Variants in PLCXD3 observed in about 807,000 individuals in gnomAD.
PLCXD3 encodes the protein phosphatidylinositol specific phospholipase C X domain containing 3.
PLCXD3 carries 19 observed loss-of-function variants against 25.5 expected under a neutral mutation model. The ratio of observed to expected loss-of-function variants is 0.75; its 90% CI spans 0.52 to 1.09. The LOEUF (loss-of-function observed/expected upper bound fraction) is 1.09, where lower values mean the gene tolerates loss of function less well. Among genes scored for constraint, PLCXD3 ranks in the 50% least tolerant of loss-of-function variants. The pLI is 0.00. For missense variants in PLCXD3, 411 were observed against 388.1 expected (o/e 1.06, Z -0.50); for synonymous variants, 174 against 137.6 (o/e 1.26, Z -1.85).
chr5:41,477,610 GC>G (rs1020686840), intron 1 of PLCXD3, among the ~76,000 whole-genome samples: 1 of 151,642 alleles, frequency 6.6e-6, no homozygotes, highest in Non-Finnish European at 1.5e-5. Context: ...CTAATCTCCA[GC>G]CCCCTTACAC....
rs1743132463 is a variant in PLCXD3 at position 41,311,343 on chromosome 5, T to G, written c.*2274A>C. ...GAAAATGGAAAGAAGAGAAGAAATA[T>G]ATTTTAAAAATAATTAAGTCCTACA... is the stretch of plus-strand genomic sequence containing the variant. On this transcript the variant is annotated 3_prime_UTR_variant, in exon 3 of 3. Coordinates refer to ENST00000377801, the MANE Select transcript of PLCXD3 (RefSeq NM_001005473.3). The G allele has an allele frequency of 6.6e-6, 1 of 152,152 alleles. No homozygotes were observed. The highest frequency in any genetic ancestry group is 1.5e-5 in the Non-Finnish European group (1 of 67,996). The allele number at this position is 152,152 out of a possible 1,614,324, so 9.4% of individuals were successfully genotyped here.
chr5:41,361,906 A>G (rs1275358233), intron 2 of PLCXD3, among the ~76,000 whole-genome samples: 1 of 152,238 alleles, frequency 6.6e-6, no homozygotes, highest in Non-Finnish European at 1.5e-5. Flanking sequence ...GATGAGAGTT[A>G]AAAACAAAAC....
intron 2 of PLCXD3, among the ~76,000 whole-genome samples, chr5:41,335,997 A>G (rs1225314453): frequency 1.3e-5 from 2 of 152,106 alleles, no homozygotes; most frequent in Non-Finnish European, 2.9e-5. Context: ...ACTACTCCCC[A>G]AGGACTCATA....
rs745662352 is a variant in PLCXD3, at chr5:41,372,277, TTCTCTCTC to T, written c.812+9541_812+9548del. Among the ~76,000 whole-genome samples the T allele has an allele frequency of 4.6e-5, 6 of 129,366 alleles. No individual in the cohort carries two copies. The Admixed American group carries it at 4.7e-4, about 10-fold the overall frequency. 84.9% of individuals were successfully genotyped at this position (129,366 alleles called of 152,430 possible). A position where few individuals can be genotyped will look rare whatever the true frequency, so the allele number is the denominator to read the frequency against. On this transcript the variant is annotated intron_variant, in intron 2 of 2. Transcript: ENST00000377801. Reference sequence around the variant, plus strand: ...TTTTTCAGAAAAGTATATGTATTCATTCTCTCTCTCTCTCTCTCTCTCACACACACACA... The same window carrying T: ...TTTTTCAGAAAAGTATATGTATTCATTCTCTCTCTCTCTCACACACACACA...
chr5:41,390,914 A>C (rs1265663653), intron 1 of PLCXD3, among the ~76,000 whole-genome samples: 5 of 152,206 alleles, frequency 3.3e-5, no homozygotes, highest in African/African-American at 1.2e-4. Context: ...GGGGAGGAAG[A>C]ACACAGCAAT....
chr5:41,313,514 T>C lies in PLCXD3; in HGVS notation c.*103A>G. Reference sequence around the variant, plus strand: ...CCCACCCACTACCAGCCCTATTCCCTTCAGAGACTCAGTGGAATAGGAAGA... The same window carrying C: ...CCCACCCACTACCAGCCCTATTCCCCTCAGAGACTCAGTGGAATAGGAAGA... On this transcript the variant is annotated 3_prime_UTR_variant, in exon 3 of 3. Coordinates refer to ENST00000377801, the MANE Select transcript of PLCXD3 (RefSeq NM_001005473.3). 7.0e-7 allele frequency: 1 copy of C among 1,420,158 alleles called. No individual in the cohort carries two copies. The highest frequency in any genetic ancestry group is 2.3e-5 in the East Asian group (1 of 43,574). 88.0% of individuals were successfully genotyped at this position (1,420,158 alleles called of 1,614,324 possible).
rs115133742 is a variant in PLCXD3 at position 41,321,245 on chromosome 5, T to C, written c.813-7475A>G. Among the ~76,000 whole-genome samples, 691 of 152,326 alleles carry C rather than the reference T, an allele frequency of 4.5e-3. 2 individuals carry two copies. Among genetic ancestry groups the C allele is most frequent in the African/African-American group, 0.016 (652 of 41,574 alleles). On this transcript the variant is annotated intron_variant, in intron 2 of 2. Transcript: ENST00000377801. ...AAGTGATAAGCAAATTCAATAAATTTGCAGTATACAAAGTCAACATACAAA... is the reference window on the plus strand; with the variant it reads ...AAGTGATAAGCAAATTCAATAAATTCGCAGTATACAAAGTCAACATACAAA...
chr5:41,476,531 T>C (rs1748287910), intron 1 of PLCXD3, among the ~76,000 whole-genome samples: 2 of 152,262 alleles, frequency 1.3e-5, no homozygotes, highest in South Asian at 2.1e-4. Flanking sequence ...CAACATCTTA[T>C]ACATGTTGTC....
chr5:41,398,837 C>T (rs950584042), intron 1 of PLCXD3, among the ~76,000 whole-genome samples: 3 of 152,098 alleles, frequency 2.0e-5, no homozygotes, highest in African/African-American at 7.2e-5. Flanking sequence ...ATTCAACATA[C>T]TACTGGAAGC....
chr5:41,372,347 C>T (rs1677460), intron 2 of PLCXD3, among the ~76,000 whole-genome samples: 88,578 of 132,184 alleles, frequency 0.67, 31,045 homozygotes, highest in Non-Finnish European at 0.74. Context: ...CACACACACA[C>T]ACCAGGCACT....
rs751201584 is a variant in PLCXD3 at position 41,382,417 on chromosome 5, C to T, written c.221G>A (p.Arg74Gln). 38 of 1,613,326 alleles carry T rather than the reference C, an allele frequency of 2.4e-5. 1 individual carries two copies. Among genetic ancestry groups the T allele is most frequent in the Middle Eastern group, 3.3e-4 (2 of 6,074 alleles). ...VFGTVAKKLM[R>Q]KWLATQTMNF... The stretch of plus-strand genomic sequence containing the variant: ...CATTGTCTGAGTGGCTAACCATTTC[C>T]GCATGAGCTTTTTGGCCACAGTTCC... Residue 74 changes from arginine (R) to glutamine (Q), a missense_variant, in exon 2 of 3, where the codon CGG becomes CAG. Transcript: ENST00000377801.
chr5:41,456,142 C>G (rs1327489199), intron 1 of PLCXD3, among the ~76,000 whole-genome samples: 1 of 151,840 alleles, frequency 6.6e-6, no homozygotes, highest in African/African-American at 2.4e-5. Flanking sequence ...ATGAGATAGT[C>G]AGAGTAAGCA....
intron 2 of PLCXD3, among the ~76,000 whole-genome samples, chr5:41,351,676 C>T (rs1462416273): frequency 6.6e-6 from 1 of 152,080 alleles, no homozygotes; most frequent in Admixed American, 6.5e-5. Context: ...AGATCGCTTC[C>T]AGTTCTCAAA....
At chr5:41,342,648 C>T (rs1319387653) in intron 2 of PLCXD3, among the ~76,000 whole-genome samples, 1 of 152,104 alleles carries the variant, frequency 6.6e-6, no homozygotes, top group Non-Finnish European at 1.5e-5. Context: ...TTCACTATCT[C>T]ATTCTTTATC....
chr5:41,437,446 G>C (rs955569584), intron 1 of PLCXD3, among the ~76,000 whole-genome samples: 1 of 152,258 alleles, frequency 6.6e-6, no homozygotes, highest in Admixed American at 6.5e-5. Flanking sequence ...ATAGTGACTT[G>C]TGATTGTGGG....
chr5:41,451,930 A>G (rs1193950691), intron 1 of PLCXD3, among the ~76,000 whole-genome samples: 5 of 152,018 alleles, frequency 3.3e-5, no homozygotes, highest in Non-Finnish European at 1.5e-5. Flanking sequence ...TATTTACCCA[A>G]TTCTCAAATG....
At chr5:41,375,887 A>T (rs1745279855) in intron 2 of PLCXD3, among the ~76,000 whole-genome samples, 1 of 152,166 alleles carries the variant, frequency 6.6e-6, no homozygotes, top group African/African-American at 2.4e-5. Flanking sequence ...TAATTAAGGA[A>T]TGACTTTAAT....
intron 1 of PLCXD3, among the ~76,000 whole-genome samples, chr5:41,392,477 G>C (rs1334885343): frequency 2.0e-5 from 3 of 152,140 alleles, no homozygotes; most frequent in Non-Finnish European, 4.4e-5. Flanking sequence ...GCCTCTACAA[G>C]TCTGCAGGAA....
intron 1 of PLCXD3, among the ~76,000 whole-genome samples, chr5:41,449,211 T>C (rs1414933402): frequency 1.3e-5 from 2 of 152,188 alleles, no homozygotes; most frequent in East Asian, 1.9e-4. Flanking sequence ...TTCTTTCAAA[T>C]AGAAAAAGAT....
Sources: allele counts gnomAD v4.1 joint callset (sites outside exome capture counted in the v4.1 genomes callset), GRCh38; gene constraint gnomAD v4.1.1; transcripts MANE v1.5; gene names NCBI Gene and HGNC (gene_info 2026-07-23, HGNC 2026-07-21).